The following PIK3R1 variants were observed in gnomAD, a reference collection of about 807,000 sequenced individuals.
PIK3R1 encodes the protein phosphoinositide-3-kinase regulatory subunit 1.
In PIK3R1, 29 loss-of-function variants were observed where a neutral mutation model predicts 98.0. That is an observed-to-expected ratio of 0.30 (90% CI 0.22 to 0.40). PIK3R1 has a LOEUF of 0.40. Among genes scored for constraint, PIK3R1 ranks in the 10% least tolerant of loss-of-function variants. The probability of loss-of-function intolerance (pLI) is 1.00; values close to 1 mark genes in which losing one functional copy is unlikely to be tolerated. For missense variants in PIK3R1, 596 were observed against 872.7 expected (o/e 0.68, Z 3.99); for synonymous variants, 282 against 311.8 (o/e 0.90, Z 1.01).
chr5:68,262,329 G>C (rs1745788924), intron 2 of PIK3R1, among the ~76,000 whole-genome samples: 1 of 149,624 alleles, frequency 6.7e-6, no homozygotes, highest in Admixed American at 6.6e-5. Context: ...CTCTGTATCT[G>C]TTGGCTTATT....
chr5:68,293,207 A>AG lies in PIK3R1; in HGVS notation c.1118+11dup. ...TTATACTCTTACACTAAGGTAAGCC[A>AG]GGGAATATAGCTGAAATTAGGGTTT... On this transcript the variant is annotated intron_variant, in intron 9 of 15. Coordinates refer to ENST00000521381, the MANE Select transcript of PIK3R1 (RefSeq NM_181523.3). 1 of 1,609,590 alleles carries AG rather than the reference A, an allele frequency of 6.2e-7. No homozygotes were observed. The highest frequency in any genetic ancestry group is 2.2e-5 in the East Asian group (1 of 44,842).
chr5:68,291,537 A>G (rs1323454077), intron 7 of PIK3R1: 1 of 152,242 alleles, frequency 6.6e-6, no homozygotes, highest in East Asian at 1.9e-4. Context: ...GTATTCAGGA[A>G]TACTGCAGTC....
intron 15 of PIK3R1, among the ~76,000 whole-genome samples, chr5:68,296,731 A>G (rs894060560): frequency 2.0e-5 from 3 of 152,142 alleles, no homozygotes; most frequent in Non-Finnish European, 4.4e-5. Context: ...CATAGGAAAA[A>G]TACTCATCAG....
chr5:68,237,254 G>C (rs1561263738), intron 2 of PIK3R1, among the ~76,000 whole-genome samples: 1 of 152,222 alleles, frequency 6.6e-6, no homozygotes, highest in Non-Finnish European at 1.5e-5. Context: ...AGTTGATTCA[G>C]ATGAATCTGA....
intron 7 of PIK3R1, among the ~76,000 whole-genome samples, chr5:68,281,554 T>G (rs1746842051): frequency 6.6e-6 from 1 of 152,198 alleles, no homozygotes; most frequent in African/African-American, 2.4e-5. Flanking sequence ...AAGCAGGAAA[T>G]GTAGACCATG....
In PIK3R1 at chr5:68,300,898, C is replaced by T. The variant is rs950507067; in HGVS notation, c.*3297C>T. 1.7e-5 allele frequency: 4 copies of T among 233,316 alleles called. No individual in the cohort carries two copies. Among genetic ancestry groups the T allele is most frequent in the African/African-American group, 6.6e-5 (3 of 45,458 alleles). The allele number at this position is 233,316 out of a possible 1,614,324, so 14.5% of individuals were successfully genotyped here. A position where few individuals can be genotyped will look rare whatever the true frequency, so the allele number is the denominator to read the frequency against. ...TTTAGGGAGCTGGTCTGATGACTTGCTTAGCTTGGAAATCCTTGTTTTCAG... is the reference window on the plus strand; with the variant it reads ...TTTAGGGAGCTGGTCTGATGACTTGTTTAGCTTGGAAATCCTTGTTTTCAG... On this transcript the variant is annotated 3_prime_UTR_variant, in exon 16 of 16. Transcript: ENST00000521381.
At chr5:68,239,072 T>C (rs151176503) in intron 2 of PIK3R1, among the ~76,000 whole-genome samples, 2 of 152,196 alleles carry the variant, frequency 1.3e-5, no homozygotes, top group Non-Finnish European at 2.9e-5. Context: ...ATATGTTATG[T>C]GGAAAGGCAA....
At chr5:68,234,903 C>T (rs1002191600) in intron 2 of PIK3R1, among the ~76,000 whole-genome samples, 10 of 152,106 alleles carry the variant, frequency 6.6e-5, no homozygotes, top group Admixed American at 2.6e-4. Context: ...AGAAAATTGA[C>T]ATAATGCTCT....
intron 2 of PIK3R1, among the ~76,000 whole-genome samples, chr5:68,227,704 G>A (rs1332286940): frequency 2.0e-5 from 3 of 152,096 alleles, no homozygotes; most frequent in African/African-American, 4.8e-5. Flanking sequence ...CTCCAGGATC[G>A]CTGTGGCCAA....
In PIK3R1 at chr5:68,280,337, C is replaced by T. The variant is rs1746776270; in HGVS notation, c.635-191C>T. ...CTGAGCTTTTTGCATTTCCATTTGA[C>T]CTGAGATTTCTACTTTCTCATAATG... is the stretch of plus-strand genomic sequence containing the variant. On this transcript the variant is annotated intron_variant, in intron 5 of 15. Coordinates refer to ENST00000521381, the MANE Select transcript of PIK3R1 (RefSeq NM_181523.3). 12 of 593,838 alleles carry T rather than the reference C, an allele frequency of 2.0e-5. No individual in the cohort carries two copies. In the East Asian group the frequency reaches 3.0e-4, roughly 15 times the overall value. The allele number at this position is 593,838 out of a possible 1,614,324, so 36.8% of individuals were successfully genotyped here.
intron 2 of PIK3R1, among the ~76,000 whole-genome samples, chr5:68,249,935 C>T (rs1314570751): frequency 6.6e-6 from 1 of 152,178 alleles, no homozygotes; most frequent in African/African-American, 2.4e-5. Flanking sequence ...TCACTGTTCA[C>T]AGTCATCTAT....
chr5:68,287,907 C>T (rs936874209), intron 7 of PIK3R1, among the ~76,000 whole-genome samples: 1 of 152,122 alleles, frequency 6.6e-6, no homozygotes, highest in Non-Finnish European at 1.5e-5. Flanking sequence ...TACTATTGAA[C>T]ATTTTTGTAA....
chr5:68,288,911 G>A lies in PIK3R1; in HGVS notation c.917-3348G>A, dbSNP rs557298855. The stretch of plus-strand genomic sequence containing the variant: ...AGACACTCCCCCTGTCCTCGAGGGG[G>A]ACAGTGGCTGGGAAAGATAGGGTTT... On this transcript the variant is annotated intron_variant, in intron 7 of 15. Coordinates refer to ENST00000521381, the MANE Select transcript of PIK3R1 (RefSeq NM_181523.3). 4.1e-3 allele frequency among the ~76,000 whole-genome samples: 624 copies of A among 152,228 alleles called. 4 individuals carry two copies. Among genetic ancestry groups the A allele is most frequent in the Middle Eastern group, 6.8e-3 (2 of 294 alleles).
chr5:68,228,930 G>A (rs1280343186), intron 2 of PIK3R1, among the ~76,000 whole-genome samples: 1 of 152,058 alleles, frequency 6.6e-6, no homozygotes, highest in Non-Finnish European at 1.5e-5. Context: ...ATTTTATAAT[G>A]CTTGCTTTCT....
At chr5:68,279,545 C>A in intron 4 of PIK3R1, 57 bp from the exon 5 acceptor site, 1 of 1,396,464 alleles carries the variant, frequency 7.2e-7, no homozygotes. Flanking sequence ...GAAAATTAGC[C>A]CAACTGATGT....
chr5:68,226,998 T>G lies in PIK3R1; in HGVS notation c.323T>G (p.Val108Gly). 4 of 1,611,606 alleles carry G rather than the reference T, an allele frequency of 2.5e-6. No individual in the cohort carries two copies. The highest frequency in any genetic ancestry group is 3.4e-6 in the Non-Finnish European group (4 of 1,179,002). Residue 108 changes from valine to glycine, a missense_variant, in exon 2 of 16, where the codon GTT (valine) becomes GGT (glycine). Transcript: ENST00000521381. ...APGSSKTEAD[V>G]EQQALTLPDL... is the part of the protein sequence containing the mutation. ...GGTTCTTCGAAAACTGAAGCAGATG[T>G]TGAACAACAAGGTCAGTATTGATAA...
At chr5:68,280,405 A>G (rs1195029364) in intron 5 of PIK3R1, 123 bp from the exon 6 acceptor site, 2 of 704,636 alleles carry the variant, frequency 2.8e-6, no homozygotes, top group South Asian at 1.8e-5. Flanking sequence ...TGCTTCTCCC[A>G]ACAACTTTTT....
At chr5:68,273,618 CTGTT>C (rs1746451805) in intron 3 of PIK3R1, 136 bp downstream of exon 3, 3 of 751,748 alleles carry the variant, frequency 4.0e-6, no homozygotes, top group Non-Finnish European at 6.9e-6. Flanking sequence ...GACACTCAAA[CTGTT>C]TGGGGCTAAG....
intron 1 of PIK3R1, among the ~76,000 whole-genome samples, chr5:68,219,828 T>C (rs1430466535): frequency 6.6e-6 from 1 of 152,236 alleles, no homozygotes; most frequent in Non-Finnish European, 1.5e-5. Context: ...TAGGTGACAT[T>C]CAATACTAAT....
Sources: allele counts gnomAD v4.1 joint callset (sites outside exome capture counted in the v4.1 genomes callset), GRCh38; gene constraint gnomAD v4.1.1; transcripts MANE v1.5; gene names NCBI Gene and HGNC (gene_info 2026-07-23, HGNC 2026-07-21).